CSE1L: variants seen among roughly 807,000 people sequenced by gnomAD.
The protein encoded by CSE1L is chromosome segregation 1 like.
CSE1L carries 24 observed loss-of-function variants against 120.4 expected under a neutral mutation model. That is an observed-to-expected ratio of 0.20 (90% CI 0.14 to 0.28). CSE1L has a LOEUF of 0.28. CSE1L is among the 10% of genes least tolerant of loss of function. The pLI is 1.00. For synonymous variants in CSE1L, 402 were observed against 398.3 expected (o/e 1.01, Z -0.11); for missense variants, 830 against 1,145.2 (o/e 0.72, Z 3.97).
At chr20:49,054,214 T>A (rs1326733232) in intron 1 of CSE1L, among the ~76,000 whole-genome samples, 1 of 152,240 alleles carries the variant, frequency 6.6e-6, no homozygotes, top group African/African-American at 2.4e-5. Flanking sequence ...GAACATTAGC[T>A]TCCTGTGATA....
chr20:49,087,546 G>A (rs1046905815), intron 16 of CSE1L, among the ~76,000 whole-genome samples: 3 of 151,766 alleles, frequency 2.0e-5, no homozygotes, highest in Non-Finnish European at 2.9e-5. Flanking sequence ...TAATGGAGAT[G>A]GGTTTTGCCA....
At position 49,096,349 on chromosome 20, in the gene CSE1L, G is replaced by A. The variant is rs1206356645; in HGVS notation, c.2827G>A (p.Val943Ile). 1.9e-6 allele frequency: 3 copies of A among 1,613,004 alleles called. No individual in the cohort carries two copies. The South Asian group carries it at 3.3e-5, about 18-fold the overall frequency. ...AGTGTGTGTTTCCCATCTCTTGTAG[G>A]TTCCATCAATGGTGAGCACCAGCCT... ...HKLSTACPGRVPSMVSTSLNA... is the reference protein window; with the variant it reads ...HKLSTACPGRIPSMVSTSLNA... Residue 943 changes from valine (V) to isoleucine (I), a missense_variant and splice_region_variant, in exon 25 of 25, where the codon GTT (valine) becomes ATT (isoleucine). Val to Ile is a conservative substitution (Grantham distance 29). Coordinates refer to ENST00000262982, the MANE Select transcript of CSE1L (RefSeq NM_001316.4).
intron 10 of CSE1L, among the ~76,000 whole-genome samples, chr20:49,073,146 G>C (rs1319155592): frequency 2.6e-5 from 4 of 151,948 alleles, no homozygotes; most frequent in Non-Finnish European, 5.9e-5. Flanking sequence ...TGAGTAGCTG[G>C]GACCACAGGC....
Position 49,061,631 on chromosome 20 carries a change from T to A in CSE1L, c.86-1571T>A, listed in dbSNP as rs559732697. On this transcript the variant is annotated intron_variant, in intron 2 of 24. Coordinates refer to ENST00000262982, the MANE Select transcript of CSE1L (RefSeq NM_001316.4). ...CATTGTTGTGCCTCAGCCTCCCGAG[T>A]AGCTGGGACTACAGGCGCCCGCCAC... Among the ~76,000 whole-genome samples the A allele has an allele frequency of 4.0e-5, 6 of 151,508 alleles. No individual in the cohort carries two copies. In the East Asian group the frequency reaches 1.2e-3, roughly 29 times the overall value.
chr20:49,086,693 A>C (rs1188103146), intron 16 of CSE1L, among the ~76,000 whole-genome samples: 1 of 152,094 alleles, frequency 6.6e-6, no homozygotes, highest in Non-Finnish European at 1.5e-5. Context: ...AGAGCGGCTA[A>C]CTAGTCTGTA....
intron 14 of CSE1L, among the ~76,000 whole-genome samples, chr20:49,082,990 A>C (rs188954970): frequency 6.8e-6 from 1 of 147,328 alleles, no homozygotes; most frequent in Non-Finnish European, 1.5e-5. Context: ...CACCTACATC[A>C]TGACTGTTTG....
In CSE1L at chr20:49,070,310, A is replaced by G. The variant is rs1443720779; in HGVS notation, c.768+13A>G. The G allele has an allele frequency of 8.2e-7, 1 of 1,224,798 alleles. No individual in the cohort carries two copies. The highest frequency in any genetic ancestry group is 1.2e-6 in the Non-Finnish European group (1 of 850,968). The allele number at this position is 1,224,798 out of a possible 1,614,324, so 75.9% of individuals were successfully genotyped here. On this transcript the variant is annotated intron_variant, in intron 8 of 24. Transcript: ENST00000262982. ...TTTACAAACTGATGTAAGTATTTAA[A>G]ATGTTGCCTGAGTGGTCTTTTTCTT...
intron 14 of CSE1L, among the ~76,000 whole-genome samples, chr20:49,083,727 T>C (rs1568782726): frequency 6.6e-6 from 1 of 152,264 alleles, no homozygotes; most frequent in Non-Finnish European, 1.5e-5. Context: ...TGATGATTCT[T>C]AAGTTTGGTG....
At position 49,094,788 on chromosome 20, in the gene CSE1L, T is replaced by C. The variant is rs752617706; in HGVS notation, c.2651T>C (p.Ile884Thr). 1.4e-5 allele frequency: 23 copies of C among 1,613,968 alleles called. No individual in the cohort carries two copies. The highest frequency in any genetic ancestry group is 5.3e-5 in the African/African-American group (4 of 74,926). Residue 884 changes from isoleucine to threonine, a missense_variant, in exon 24 of 25, where the codon ATT (isoleucine) becomes ACT (threonine). Physicochemically the swap from Ile to Thr is moderately conservative, Grantham distance 89. Coordinates refer to ENST00000262982, the MANE Select transcript of CSE1L (RefSeq NM_001316.4). ...GLFELPEDDTIPDEEHFIDIE... is the reference protein window; with the variant it reads ...GLFELPEDDTTPDEEHFIDIE... ...TTTGAGTTACCCGAAGATGATACCA[T>C]TCCTGATGAGGAACATTTTATTGAC...
intron 1 of CSE1L, among the ~76,000 whole-genome samples, chr20:49,049,439 C>T (rs537127135): frequency 1.3e-5 from 2 of 152,226 alleles, no homozygotes; most frequent in South Asian, 4.2e-4. Context: ...CCTTGGCCCC[C>T]CAAAGAGCTG....
chr20:49,094,951 C>T lies in CSE1L; in HGVS notation c.2814C>T (p.Ala938=), dbSNP rs764946092. Residue 938 remains alanine (A), a synonymous_variant, in exon 24 of 25, where the codon GCC becomes GCT. Transcript: ENST00000262982. ...LAQSLHKLST[A]CPGRVPSMVS... is the part of the protein sequence containing the mutation. Reference sequence around the variant, plus strand: ...AGTCACTTCACAAGTTGTCTACCGCCTGTCCAGGAAGGGTAAGTGTGTTGT... The same window carrying T: ...AGTCACTTCACAAGTTGTCTACCGCTTGTCCAGGAAGGGTAAGTGTGTTGT... 11 of 1,613,932 alleles carry T rather than the reference C, an allele frequency of 6.8e-6. No individual in the cohort carries two copies. The East Asian group carries it at 2.2e-4, about 33-fold the overall frequency.
At chr20:49,071,778 C>T (rs368186396) in intron 8 of CSE1L, among the ~76,000 whole-genome samples, 1 of 151,876 alleles carries the variant, frequency 6.6e-6, no homozygotes, top group Non-Finnish European at 1.5e-5. Context: ...CTGGCTAACA[C>T]GGTGAAACCC....
chr20:49,063,288 A>G lies in CSE1L; in HGVS notation c.172A>G (p.Ile58Val), dbSNP rs900138418. Reference protein sequence around the residue: ...TLLEKSQDNVIKVCASVTFKN... With the variant: ...TLLEKSQDNVVKVCASVTFKN... ...ACTGGAGAAGTCCCAGGATAATGTT[A>G]TCAAAGTATGTGCTTCAGTAACATT... The change falls in exon 3 of 25, where the codon ATC becomes GTC. Residue 58 changes from isoleucine (I) to valine (V), a missense_variant. Around this residue, in one of 4 missense-constraint regions of CSE1L, gnomAD observed 543 missense variants for 640.2 expected, o/e 0.85. Coordinates refer to ENST00000262982, the MANE Select transcript of CSE1L (RefSeq NM_001316.4). 6.4e-7 allele frequency: 1 copy of G among 1,570,780 alleles called. No individual in the cohort carries two copies. The highest frequency in any genetic ancestry group is 1.4e-5 in the African/African-American group (1 of 73,240).
intron 2 of CSE1L, among the ~76,000 whole-genome samples, chr20:49,061,841 G>A (rs997613683): frequency 6.6e-6 from 1 of 151,894 alleles, no homozygotes; most frequent in Non-Finnish European, 1.5e-5. Context: ...CAAGAGTTCT[G>A]TTGCTTTATG....
In CSE1L at chr20:49,096,466, A is replaced by G; in HGVS notation, c.*28A>G. Reference sequence around the variant, plus strand: ...TGCATTTTTCTAATGGGCTAAACCCAGATGGTTTCCTAGGAAATCACAGGC... The same window carrying G: ...TGCATTTTTCTAATGGGCTAAACCCGGATGGTTTCCTAGGAAATCACAGGC... On this transcript the variant is annotated 3_prime_UTR_variant, in exon 25 of 25. Coordinates refer to ENST00000262982, the MANE Select transcript of CSE1L (RefSeq NM_001316.4). The G allele has an allele frequency of 1.9e-6, 3 of 1,543,718 alleles. No individual in the cohort carries two copies. The highest frequency in any genetic ancestry group is 2.7e-6 in the Non-Finnish European group (3 of 1,116,062).
chr20:49,088,972 G>T (rs1311610602), intron 17 of CSE1L, among the ~76,000 whole-genome samples: 1 of 152,108 alleles, frequency 6.6e-6, no homozygotes, highest in Non-Finnish European at 1.5e-5. Context: ...CTAGGACTTA[G>T]TATTTCTTCT....
intron 1 of CSE1L, among the ~76,000 whole-genome samples, chr20:49,053,946 C>A (rs1287334034): frequency 6.6e-6 from 1 of 152,200 alleles, no homozygotes; most frequent in African/African-American, 2.4e-5. Context: ...GCCTCAGCCT[C>A]CCACCAGTGG....
chr20:49,066,857 C>T (rs1355610589), intron 5 of CSE1L, among the ~76,000 whole-genome samples: 2 of 151,448 alleles, frequency 1.3e-5, no homozygotes, highest in Non-Finnish European at 2.9e-5. Flanking sequence ...GGTAAAACCC[C>T]GTCTCTACTA....
chr20:49,089,474 G>A, intron 18 of CSE1L, 64 bp from the exon 19 acceptor site: 1 of 1,605,520 alleles, frequency 6.2e-7, no homozygotes, highest in South Asian at 1.1e-5. Context: ...CCTAAGCGAT[G>A]TGGGCCTTTT....
Sources: allele counts gnomAD v4.1 joint callset (sites outside exome capture counted in the v4.1 genomes callset), GRCh38; gene constraint gnomAD v4.1.1; regional missense constraint gnomAD v4.1.1; transcripts MANE v1.5; gene names NCBI Gene and HGNC (gene_info 2026-07-23, HGNC 2026-07-21).